The following CCDC141 variants were observed in gnomAD, a reference collection of about 807,000 sequenced individuals.
CCDC141 encodes coiled-coil domain containing 141.
CCDC141 carries 168 observed loss-of-function variants against 181.0 expected under a neutral mutation model. That is an observed-to-expected ratio of 0.93 (90% CI 0.82 to 1.05). The LOEUF (loss-of-function observed/expected upper bound fraction) is 1.05, where lower values mean the gene tolerates loss of function less well. Among genes scored for constraint, CCDC141 ranks in the 50% least tolerant of loss-of-function variants. The probability of loss-of-function intolerance (pLI) is 0.00; values close to 1 mark genes in which losing one functional copy is unlikely to be tolerated. For missense variants in CCDC141, 1,902 were observed against 1,788.5 expected (o/e 1.06, Z -1.14); for synonymous variants, 666 against 642.3 (o/e 1.04, Z -0.56).
intron 7 of CCDC141, among the ~76,000 whole-genome samples, chr2:178,911,757 T>C (rs536099543): frequency 6.6e-6 from 1 of 152,290 alleles, no homozygotes; most frequent in South Asian, 2.1e-4. Flanking sequence ...ACAAAGAAGA[T>C]TAGGACACAA....
chr2:179,015,374 T>TACATATCCC (rs1280024321), intron 2 of CCDC141, among the ~76,000 whole-genome samples: 5 of 124,816 alleles, frequency 4.0e-5, no homozygotes, highest in East Asian at 2.6e-4. Context: ...ATATGTATCA[T>TACATATCCC]ATATATCTCA....
At chr2:178,970,934 G>T (rs1165050257) in intron 4 of CCDC141, among the ~76,000 whole-genome samples, 1 of 152,184 alleles carries the variant, frequency 6.6e-6, no homozygotes, top group Non-Finnish European at 1.5e-5. Flanking sequence ...CAAAGGCCGG[G>T]CACAGTGGCT....
At chr2:178,846,705 A>C (rs1473631892) in intron 21 of CCDC141, among the ~76,000 whole-genome samples, 1 of 152,176 alleles carries the variant, frequency 6.6e-6, no homozygotes, top group Non-Finnish European at 1.5e-5. Flanking sequence ...TTCAAATTTC[A>C]GATCTACCAC....
At chr2:178,950,330 TG>T (rs1328824977) in intron 5 of CCDC141, among the ~76,000 whole-genome samples, 2 of 152,020 alleles carry the variant, frequency 1.3e-5, no homozygotes, top group Non-Finnish European at 2.9e-5. Flanking sequence ...CATAGGGCTT[TG>T]GGTTTTTTTT....
chr2:178,928,001 A>G (rs1304112053), intron 6 of CCDC141, among the ~76,000 whole-genome samples: 2 of 152,230 alleles, frequency 1.3e-5, no homozygotes, highest in East Asian at 3.9e-4. Context: ...TGGAGCAGGG[A>G]ATTAACAGAT....
chr2:178,861,853 G>A (rs898246616), intron 17 of CCDC141, among the ~76,000 whole-genome samples: 3 of 152,068 alleles, frequency 2.0e-5, no homozygotes, highest in African/African-American at 7.2e-5. Context: ...CCTTTTTAAA[G>A]AAAATAATGA....
intron 3 of CCDC141, among the ~76,000 whole-genome samples, chr2:178,976,164 G>C (rs930492064): frequency 3.3e-5 from 5 of 152,136 alleles, no homozygotes; most frequent in Admixed American, 1.3e-4. Flanking sequence ...TGTCTATAGT[G>C]GTAGACAAAT....
chr2:178,887,343 A>G (rs146003946), intron 9 of CCDC141, among the ~76,000 whole-genome samples: 407 of 152,310 alleles, frequency 2.7e-3, no homozygotes, highest in Non-Finnish European at 4.7e-3. Flanking sequence ...TGTTATAGTA[A>G]AACACAGGGA....
chr2:179,049,143 T>C (rs1380955221), intron 1 of CCDC141, among the ~76,000 whole-genome samples: 3 of 152,202 alleles, frequency 2.0e-5, no homozygotes, highest in African/African-American at 7.2e-5. Context: ...AGCCTAAAGA[T>C]GTGTGGTCAT....
chr2:178,961,901 C>T (rs1230477901), intron 4 of CCDC141, among the ~76,000 whole-genome samples: 1 of 152,076 alleles, frequency 6.6e-6, no homozygotes, highest in Non-Finnish European at 1.5e-5. Context: ...AATGTGGTGG[C>T]CAGGTGCCCA....
At position 178,959,900 on chromosome 2, in the gene CCDC141, G is replaced by A. The variant is rs186424640; in HGVS notation, c.780+1330C>T. Among the ~76,000 whole-genome samples, 7 of 152,206 alleles carry A rather than the reference G, an allele frequency of 4.6e-5. No homozygotes were observed. The East Asian group carries it at 9.7e-4, about 21-fold the overall frequency. ...CATGTCAAAATTCATTACCTTATTCGATTTCATCATCAGGTTTATCATCGT... is the reference window on the plus strand; with the variant it reads ...CATGTCAAAATTCATTACCTTATTCAATTTCATCATCAGGTTTATCATCGT... On this transcript the variant is annotated intron_variant, in intron 5 of 23. Transcript: ENST00000443758.
At chr2:178,931,026 T>C (rs1689078321) in intron 6 of CCDC141, among the ~76,000 whole-genome samples, 1 of 152,196 alleles carries the variant, frequency 6.6e-6, no homozygotes, top group African/African-American at 2.4e-5. Context: ...TAGACATTTT[T>C]TCACAGAAGA....
intron 22 of CCDC141, among the ~76,000 whole-genome samples, chr2:178,842,812 G>C (rs917566977): frequency 5.9e-5 from 9 of 152,208 alleles, no homozygotes; most frequent in Non-Finnish European, 1.3e-4. Flanking sequence ...AGACAAAAAG[G>C]GGTAATGTGG....
downstream of CCDC141, among the ~76,000 whole-genome samples, chr2:178,827,431 C>G (rs911736095): frequency 1.3e-5 from 2 of 151,900 alleles, no homozygotes; most frequent in Admixed American, 1.3e-4. Context: ...ATTTTTTGAA[C>G]TTCTCTATTC....
chr2:178,903,993 G>A (rs922796806), intron 8 of CCDC141, among the ~76,000 whole-genome samples: 2 of 152,080 alleles, frequency 1.3e-5, no homozygotes, highest in Non-Finnish European at 2.9e-5. Flanking sequence ...GGCACAATAA[G>A]TGTCTCTTCT....
chr2:178,895,617 G>C (rs1687370393), intron 8 of CCDC141, among the ~76,000 whole-genome samples: 1 of 152,290 alleles, frequency 6.6e-6, no homozygotes, highest in Non-Finnish European at 1.5e-5. Context: ...AGCCAGGATT[G>C]CAGTTATGAC....
intron 22 of CCDC141, among the ~76,000 whole-genome samples, chr2:178,845,120 C>G (rs1684880068): frequency 6.6e-6 from 1 of 152,104 alleles, no homozygotes; most frequent in South Asian, 2.1e-4. Flanking sequence ...CAGCTGGATT[C>G]TATGGTTTGA....
rs774331689 is a variant in CCDC141 at position 178,865,854 on chromosome 2, G to A, written c.2637C>T (p.Ser879=). The A allele has an allele frequency of 5.3e-5, 85 of 1,606,222 alleles. No individual in the cohort carries two copies. Among genetic ancestry groups the A allele is most frequent in the Non-Finnish European group, 6.9e-5 (81 of 1,175,964 alleles). Residue 879 remains serine, a synonymous_variant, in exon 17 of 24, where the codon AGC becomes AGT. Coordinates refer to ENST00000443758, the MANE Select transcript of CCDC141 (RefSeq NM_173648.4). The part of the protein sequence containing the change: ...QQQLELLEED[S]MKWRAKAEEY... The stretch of plus-strand genomic sequence containing the variant: ...CCTCAGCTTTGGCACGCCACTTCAT[G>A]CTGTCCTCCTCAAGGAGCTCCAGCT...
At chr2:178,969,639 C>T (rs1057261369) in intron 4 of CCDC141, among the ~76,000 whole-genome samples, 8 of 152,094 alleles carry the variant, frequency 5.3e-5, no homozygotes, top group African/African-American at 1.9e-4. Context: ...ATAATAAGAG[C>T]TATTTATGAC....
Sources: allele counts gnomAD v4.1 joint callset (sites outside exome capture counted in the v4.1 genomes callset), GRCh38; gene constraint gnomAD v4.1.1; transcripts MANE v1.5; gene names NCBI Gene and HGNC (gene_info 2026-07-23, HGNC 2026-07-21).